Variants in BNC2 observed in about 807,000 individuals in gnomAD.
BNC2 encodes the protein zinc finger protein basonuclin-2.
BNC2 carries 20 observed loss-of-function variants against 76.3 expected under a neutral mutation model. The observed-to-expected ratio is 0.26, with a 90% confidence interval of 0.18 to 0.38. The LOEUF (loss-of-function observed/expected upper bound fraction) is 0.38, where lower values mean the gene tolerates loss of function less well. Among genes scored for constraint, BNC2 ranks in the 10% least tolerant of loss-of-function variants. BNC2 has a pLI of 1.00. For missense variants in BNC2, 1,382 were observed against 1,399.8 expected (o/e 0.99, Z 0.20); for synonymous variants, 582 against 514.8 (o/e 1.13, Z -1.77).
At chr9:16,822,125 T>C (rs1428397920) in intron 1 of BNC2, among the ~76,000 whole-genome samples, 1 of 112,422 alleles carries the variant, frequency 8.9e-6, no homozygotes, top group Non-Finnish European at 1.8e-5. Flanking sequence ...AAAGCTGGGG[T>C]AGTAGTGACA....
At chr9:16,829,134 G>A (rs1350257138) in intron 1 of BNC2, among the ~76,000 whole-genome samples, 1 of 152,204 alleles carries the variant, frequency 6.6e-6, no homozygotes, top group Non-Finnish European at 1.5e-5. Context: ...TGGCCTCTGC[G>A]GGACTGCAGC....
chr9:16,706,532 A>T (rs1368763652), intron 3 of BNC2, among the ~76,000 whole-genome samples: 3 of 152,228 alleles, frequency 2.0e-5, no homozygotes, highest in African/African-American at 7.2e-5. Flanking sequence ...AGAATACCCT[A>T]AAATACAAAA....
At chr9:16,670,814 C>G (rs1822453874) in intron 3 of BNC2, among the ~76,000 whole-genome samples, 1 of 152,202 alleles carries the variant, frequency 6.6e-6, no homozygotes, top group African/African-American at 2.4e-5. Context: ...CCAGAGCTCT[C>G]TATGCTTTTA....
chr9:16,541,272 G>T (rs559112355), intron 5 of BNC2, among the ~76,000 whole-genome samples: 61 of 152,300 alleles, frequency 4.0e-4, no homozygotes, highest in African/African-American at 1.4e-3. Flanking sequence ...TGCAAGAAAG[G>T]AAAGGGGGAA....
At chr9:16,606,538 T>G (rs545471703) in intron 3 of BNC2, among the ~76,000 whole-genome samples, 11 of 152,144 alleles carry the variant, frequency 7.2e-5, no homozygotes, top group African/African-American at 2.4e-4. Context: ...GCTTTTTTTT[T>G]TTTGTGGGTA....
intron 5 of BNC2, among the ~76,000 whole-genome samples, chr9:16,539,231 G>A (rs529246914): frequency 6.6e-5 from 10 of 152,180 alleles, no homozygotes; most frequent in Non-Finnish European, 1.2e-4. Context: ...AAATAAATAC[G>A]ACTGGGCGTG....
intron 2 of BNC2, among the ~76,000 whole-genome samples, chr9:16,732,819 T>G (rs1824554657): frequency 6.6e-6 from 1 of 152,220 alleles, no homozygotes; most frequent in Admixed American, 6.5e-5. Context: ...CCACATCGCA[T>G]GACAATCAGC....
intron 5 of BNC2, among the ~76,000 whole-genome samples, chr9:16,482,607 G>A (rs1470729640): frequency 1.3e-5 from 2 of 152,162 alleles, no homozygotes; most frequent in Admixed American, 1.3e-4. Context: ...AGGATGATGA[G>A]ACATATAATC....
intron 5 of BNC2, among the ~76,000 whole-genome samples, chr9:16,467,846 TA>T (rs35957070): frequency 0.028 from 3,924 of 141,272 alleles, 80 homozygotes; most frequent in African/African-American, 0.048. Context: ...AAAAAAAAAT[TA>T]AAAAAAAAAA....
At chr9:16,484,798 G>A (rs1822127067) in intron 5 of BNC2, among the ~76,000 whole-genome samples, 1 of 152,150 alleles carries the variant, frequency 6.6e-6, no homozygotes, top group African/African-American at 2.4e-5. Context: ...ATGAACCTAA[G>A]ATGAACAAAA....
At chr9:16,536,208 G>A (rs1022842318) in intron 5 of BNC2, among the ~76,000 whole-genome samples, 1 of 151,998 alleles carries the variant, frequency 6.6e-6, no homozygotes, top group Admixed American at 6.6e-5. Flanking sequence ...AAACGCCCTT[G>A]GTGCTCTGGT....
At chr9:16,852,878 G>A (rs1415109622) in intron 1 of BNC2, among the ~76,000 whole-genome samples, 2 of 152,192 alleles carry the variant, frequency 1.3e-5, no homozygotes, top group Non-Finnish European at 2.9e-5. Flanking sequence ...AAAGTTCTAT[G>A]GCCTGTGGAA....
chr9:16,815,298 A>T lies in BNC2; in HGVS notation c.3+55348T>A, dbSNP rs1818156181. Among the ~76,000 whole-genome samples the T allele has an allele frequency of 3.3e-5, 5 of 152,244 alleles. No homozygotes were observed. The South Asian group carries it at 1.0e-3, about 32-fold the overall frequency. ...CTGTCTAAGGACCATGGCATGGAAA[A>T]CTCAAACGCTGTGCAAAGTTTGAAA... On this transcript the variant is annotated intron_variant, in intron 1 of 6. Transcript: ENST00000380672.
At chr9:16,695,218 G>T (rs1823301820) in intron 3 of BNC2, among the ~76,000 whole-genome samples, 1 of 152,064 alleles carries the variant, frequency 6.6e-6, no homozygotes, top group Admixed American at 6.5e-5. Context: ...GGTATTAGTT[G>T]CCTCACAAAA....
chr9:16,457,634 C>T lies in BNC2; in HGVS notation c.670-20110G>A, dbSNP rs79208810. On this transcript the variant is annotated intron_variant, in intron 5 of 6. Transcript: ENST00000380672. Reference sequence around the variant, plus strand: ...TGCCCACAGTTTTTGTGGGAGTGGTCACGTAGGCATGCTTTGCCTAGCATG... The same window carrying T: ...TGCCCACAGTTTTTGTGGGAGTGGTTACGTAGGCATGCTTTGCCTAGCATG... Among the ~76,000 whole-genome samples the T allele has an allele frequency of 4.5e-3, 684 of 152,250 alleles. 2 individuals carry two copies. The highest frequency in any genetic ancestry group is 0.017 in the Middle Eastern group (5 of 294).
rs1819167927 is a variant in BNC2 at position 16,853,171 on chromosome 9, A to C, written c.3+17475T>G. Among the ~76,000 whole-genome samples, 3 of 152,294 alleles carry C rather than the reference A, an allele frequency of 2.0e-5. No homozygotes were observed. The South Asian group carries it at 6.2e-4, about 32-fold the overall frequency. ...AGTGGCTCACGCCTGTAATCCCAGC[A>C]CTTTGGGAGGCCCAGGCAGGCGGAT... On this transcript the variant is annotated intron_variant, in intron 1 of 6. Coordinates refer to ENST00000380672, the MANE Select transcript of BNC2 (RefSeq NM_017637.6).
chr9:16,846,002 T>C (rs1175132826), intron 1 of BNC2, among the ~76,000 whole-genome samples: 1 of 151,630 alleles, frequency 6.6e-6, no homozygotes, highest in Non-Finnish European at 1.5e-5. Context: ...ACAAAAAAAT[T>C]AGCTGGCCGC....
At chr9:16,725,352 T>C (rs1400642966) in intron 3 of BNC2, among the ~76,000 whole-genome samples, 1 of 152,044 alleles carries the variant, frequency 6.6e-6, no homozygotes, top group Non-Finnish European at 1.5e-5. Flanking sequence ...ACTTAAGTTA[T>C]GTAATATTTA....
chr9:16,420,924 G>C (rs540052079), intron 6 of BNC2, among the ~76,000 whole-genome samples: 2 of 152,202 alleles, frequency 1.3e-5, no homozygotes, highest in Admixed American at 1.3e-4. Context: ...AAAATAAACT[G>C]ACATATCTAC....
Sources: gnomAD v4.1 joint callset for allele counts (sites outside exome capture counted in the v4.1 genomes callset) on GRCh38, gnomAD v4.1.1 for gene constraint, MANE v1.5 for transcripts, NCBI Gene and HGNC (gene_info 2026-07-23, HGNC 2026-07-21) for gene names.